PSORS1C1: variants seen among roughly 807,000 people sequenced by gnomAD.
PSORS1C1 encodes psoriasis susceptibility 1 candidate gene 1 protein.
In PSORS1C1, 7 loss-of-function variants were observed where a neutral mutation model predicts 9.4. That is an observed-to-expected ratio of 0.75 (90% CI 0.42 to 1.40). The LOEUF (loss-of-function observed/expected upper bound fraction) is 1.40. PSORS1C1 is among the 40% of genes most tolerant of loss of function. PSORS1C1 has a pLI of 0.01. For missense variants in PSORS1C1, 146 were observed against 178.1 expected (o/e 0.82, Z 1.02); for synonymous variants, 63 against 69.4 (o/e 0.91, Z 0.46).
chr6:31,139,496 T>G lies in PSORS1C1; in HGVS notation c.168-145T>G. 1 of 715,034 alleles carries G rather than the reference T, an allele frequency of 1.4e-6. No individual in the cohort carries two copies. The highest frequency in any genetic ancestry group is 1.9e-5 in the South Asian group (1 of 53,036). 44.3% of individuals were successfully genotyped at this position (715,034 alleles called of 1,614,324 possible). Reference sequence around the variant, plus strand: ...GAGGAGGTGCTTTTCAAACCTGGGATGCAGCTGGGACAGTGTCAGCTACTA... The same window carrying G: ...GAGGAGGTGCTTTTCAAACCTGGGAGGCAGCTGGGACAGTGTCAGCTACTA... On this transcript the variant is annotated intron_variant, in intron 5 of 5. Coordinates refer to ENST00000259881, the MANE Select transcript of PSORS1C1 (RefSeq NM_014068.3). This position sits in a 1 kb window ranked among gnomAD's most constrained non-coding sequence, Gnocchi z 5.2.
Position 31,139,208 on chromosome 6 carries a change from C to T in PSORS1C1, c.167+429C>T. The T allele has an allele frequency of 8.3e-6, 5 of 600,748 alleles. No homozygotes were observed. The highest frequency in any genetic ancestry group is 1.5e-5 in the Non-Finnish European group (5 of 337,870). 37.2% of individuals were successfully genotyped at this position (600,748 alleles called of 1,614,324 possible). Reference sequence around the variant, plus strand: ...GATGTGTCACCCCTGAAGGTGGCGTCCCTTATTTTAGTCCTCCAGCCCAGG... The same window carrying T: ...GATGTGTCACCCCTGAAGGTGGCGTTCCTTATTTTAGTCCTCCAGCCCAGG... On this transcript the variant is annotated intron_variant, in intron 5 of 5. Coordinates refer to ENST00000259881, the MANE Select transcript of PSORS1C1 (RefSeq NM_014068.3). The surrounding 1 kb of genome is among the most constrained non-coding windows in gnomAD (Gnocchi z 5.2).
chr6:31,121,408 C>A (rs1200231450), intron 1 of PSORS1C1, among the ~76,000 whole-genome samples: 2 of 152,174 alleles, frequency 1.3e-5, no homozygotes, highest in African/African-American at 4.8e-5. Flanking sequence ...CAGCTCTGGG[C>A]AGGTCGAGGA....
At chr6:31,119,061 C>G (rs1192620791) in intron 1 of PSORS1C1, among the ~76,000 whole-genome samples, 1 of 151,952 alleles carries the variant, frequency 6.6e-6, no homozygotes, top group East Asian at 1.9e-4. Flanking sequence ...CCAGGCTGGT[C>G]TTGAACTCCT....
At chr6:31,117,535 GAGGA>G (rs1279957945) in intron 1 of PSORS1C1, 1 of 1,549,626 alleles carries the variant, frequency 6.5e-7, no homozygotes, top group Admixed American at 2.0e-5. Context: ...GGTCCCTGTG[GAGGA>G]AAGCAGTGGT....
At chr6:31,116,013 A>G (rs758370258) in intron 1 of PSORS1C1, 1 of 1,555,156 alleles carries the variant, frequency 6.4e-7, no homozygotes, top group East Asian at 2.4e-5. Context: ...CACACACACA[A>G]CAGTTGACTT....
chr6:31,117,728 T>C (rs115510688), intron 1 of PSORS1C1: 10,359 of 603,134 alleles, frequency 0.017, 103 homozygotes, highest in Non-Finnish European at 0.023. Flanking sequence ...TTTCTTTGTT[T>C]GGGAAGGGTG....
chr6:31,118,123 G>A (rs913053378), intron 1 of PSORS1C1: 4 of 154,340 alleles, frequency 2.6e-5, no homozygotes, highest in Admixed American at 6.4e-5. Context: ...AAGACAAAAG[G>A]CAAAACAATG....
chr6:31,129,729 A>C, intron 3 of PSORS1C1, 84 bp downstream of exon 3: 2 of 765,952 alleles, frequency 2.6e-6, no homozygotes, highest in Non-Finnish European at 4.9e-6. Flanking sequence ...TAGGCTGGGT[A>C]CTAGGAGAGA....
intron 1 of PSORS1C1, chr6:31,120,298 C>G: frequency 6.7e-7 from 1 of 1,487,744 alleles, no homozygotes; most frequent in Non-Finnish European, 9.2e-7. Flanking sequence ...GTCTCCCTCC[C>G]GCCTCCCTCC....
rs183906779 is a variant in PSORS1C1, at chr6:31,122,510, T to G, written c.-228-3166T>G. Reference sequence around the variant, plus strand: ...ATGCTGCTCGGCTGGGCACGGTGGCTCACGCTTGTAATCCCAGCACTATGG... The same window carrying G: ...ATGCTGCTCGGCTGGGCACGGTGGCGCACGCTTGTAATCCCAGCACTATGG... On this transcript the variant is annotated intron_variant, in intron 1 of 5. Transcript: ENST00000259881. Among the ~76,000 whole-genome samples, 111 of 152,226 alleles carry G rather than the reference T, an allele frequency of 7.3e-4. 3 individuals carry two copies. In the East Asian group the frequency reaches 0.021, roughly 29 times the overall value.
chr6:31,130,519 C>G (rs1311032857), intron 3 of PSORS1C1, among the ~76,000 whole-genome samples: 1 of 151,962 alleles, frequency 6.6e-6, no homozygotes, highest in Non-Finnish European at 1.5e-5. Context: ...TCACGCCATT[C>G]TCCTACCTCA....
At chr6:31,136,544 A>C (rs1171416160) in intron 3 of PSORS1C1, among the ~76,000 whole-genome samples, 1 of 152,120 alleles carries the variant, frequency 6.6e-6, no homozygotes, top group Non-Finnish European at 1.5e-5. Flanking sequence ...GCACATATTA[A>C]TCTGGAAACT....
rs369174494 is a variant in PSORS1C1, at chr6:31,126,699, C to G, written c.-65+860C>G. On this transcript the variant is annotated intron_variant, in intron 2 of 5. Coordinates refer to ENST00000259881, the MANE Select transcript of PSORS1C1 (RefSeq NM_014068.3). ...TTGGGAGTGAAGACTGGGGCCAGAG[C>G]CAGGCTCACCTTTGGCCACTGAATC... Among the ~76,000 whole-genome samples the G allele has an allele frequency of 6.2e-4, 94 of 152,312 alleles. No individual in the cohort carries two copies. In the East Asian group the frequency reaches 8.1e-3, roughly 13 times the overall value.
intron 1 of PSORS1C1, chr6:31,116,894 G>A (rs1772164890): frequency 6.2e-7 from 1 of 1,614,090 alleles, no homozygotes; most frequent in South Asian, 1.1e-5. Context: ...TGGGAGCTGG[G>A]GATGTAGGGG....
chr6:31,117,565 A>G, intron 1 of PSORS1C1: 1 of 1,528,626 alleles, frequency 6.5e-7, no homozygotes. Context: ...AGGGCCAAGG[A>G]GGCTTGGCTT....
intron 1 of PSORS1C1, among the ~76,000 whole-genome samples, chr6:31,123,057 T>C (rs1772533053): frequency 6.6e-6 from 1 of 152,182 alleles, no homozygotes; most frequent in African/African-American, 2.4e-5. Context: ...TCTTGTTTTC[T>C]TTGTCACATT....
chr6:31,119,555 T>C lies in PSORS1C1; in HGVS notation c.-229+4664T>C, dbSNP rs982726301. Among the ~76,000 whole-genome samples, 28 of 152,164 alleles carry C rather than the reference T, an allele frequency of 1.8e-4. 1 individual carries two copies. Among genetic ancestry groups the C allele is most frequent in the Non-Finnish European group, 7.3e-5 (5 of 68,038 alleles). On this transcript the variant is annotated intron_variant, in intron 1 of 5. Transcript: ENST00000259881. ...CTCTGAGCCTCAGTGTCCTCATCTG[T>C]AGAGTGGAAATAGCAAATCTCCTTT...
At position 31,138,226 on chromosome 6, in the gene PSORS1C1, C is replaced by A. The variant is rs747856188; in HGVS notation, c.14-204C>A. ...CAAGGGTCACCGGGGACTGGGGGGC[C>A]CTGAGGCAATGTTGGGGAGCCTGCC... is the stretch of plus-strand genomic sequence containing the variant. On this transcript the variant is annotated intron_variant, in intron 3 of 5. Coordinates refer to ENST00000259881, the MANE Select transcript of PSORS1C1 (RefSeq NM_014068.3). The A allele has an allele frequency of 4.5e-6, 7 of 1,567,606 alleles. No homozygotes were observed. The Admixed American group carries it at 1.3e-4, about 30-fold the overall frequency.
chr6:31,132,941 T>C (rs1772982462), intron 3 of PSORS1C1, among the ~76,000 whole-genome samples: 1 of 149,734 alleles, frequency 6.7e-6, no homozygotes, highest in Non-Finnish European at 1.5e-5. Flanking sequence ...CTAAGTCTCA[T>C]GGAGGGCTGG....
Sources: gnomAD v4.1 joint callset for allele counts (sites outside exome capture counted in the v4.1 genomes callset) on GRCh38, gnomAD v4.1.1 for gene constraint, Gnocchi (gnomAD v3.1) non-coding constraint, MANE v1.5 for transcripts, NCBI Gene and HGNC (gene_info 2026-07-23, HGNC 2026-07-21) for gene names.